SPON1: variants seen among roughly 807,000 people sequenced by gnomAD.
SPON1 encodes spondin-1.
SPON1 carries 52 observed loss-of-function variants against 111.7 expected under a neutral mutation model. The ratio of observed to expected loss-of-function variants is 0.47; its 90% CI spans 0.37 to 0.59. The LOEUF (loss-of-function observed/expected upper bound fraction) is 0.59, where lower values mean the gene tolerates loss of function less well. Ranked by LOEUF, SPON1 falls within the 20% of genes least tolerant of loss-of-function variation. SPON1 has a pLI of 0.00. For synonymous variants in SPON1, 410 were observed against 395.8 expected (o/e 1.04, Z -0.43); for missense variants, 957 against 1,068.5 (o/e 0.90, Z 1.46).
chr11:13,995,024 C>A (rs888772411), intron 2 of SPON1, among the ~76,000 whole-genome samples: 1 of 152,154 alleles, frequency 6.6e-6, no homozygotes, highest in East Asian at 1.9e-4. Flanking sequence ...TCATAGTACC[C>A]AGTTCTTTTT....
Position 14,129,026 on chromosome 11 carries a change from T to G in SPON1, c.677-6394T>G, listed in dbSNP as rs569664512. ...CCTTGGGCCTGGCCCAGAAAACCAT[T>G]TTCCCTCCTTGGTCTCCCAGCCTGT... On this transcript the variant is annotated intron_variant, in intron 5 of 15. Coordinates refer to ENST00000576479, the MANE Select transcript of SPON1 (RefSeq NM_006108.4). Among the ~76,000 whole-genome samples the G allele has an allele frequency of 5.3e-5, 8 of 152,346 alleles. No homozygotes were observed. The East Asian group carries it at 1.4e-3, about 26-fold the overall frequency.
intron 5 of SPON1, among the ~76,000 whole-genome samples, chr11:14,125,522 A>G (rs1409443836): frequency 6.6e-6 from 1 of 152,212 alleles, no homozygotes; most frequent in Non-Finnish European, 1.5e-5. Context: ...AGATTTGCTG[A>G]AAAGTACTAT....
rs782780924 is a variant in SPON1, at chr11:14,113,568, A to ATTTTTTTTTTTTTTT, written c.677-21814_677-21800dup. Among the ~76,000 whole-genome samples the ATTTTTTTTTTTTTTT allele has an allele frequency of 6.7e-5, 5 of 74,754 alleles. 1 individual carries two copies. Among genetic ancestry groups the ATTTTTTTTTTTTTTT allele is most frequent in the Admixed American group, 3.1e-4 (2 of 6,410 alleles). The allele number at this position is 74,754 out of a possible 152,430, so 49.0% of individuals were successfully genotyped here. ...AAGTCACCTCCTATGTACTTTTTAA[A>ATTTTTTTTTTTTTTT]TTTTTTTTTTTTTTTTTTTTTTTTT... On this transcript the variant is annotated intron_variant, in intron 5 of 15. Coordinates refer to ENST00000576479, the MANE Select transcript of SPON1 (RefSeq NM_006108.4).
intron 6 of SPON1, among the ~76,000 whole-genome samples, chr11:14,137,909 A>G (rs1847610645): frequency 6.6e-6 from 1 of 152,196 alleles, no homozygotes; most frequent in Admixed American, 6.5e-5. Context: ...GGGTGATTTC[A>G]GGATTCCAAA....
chr11:14,098,261 G>T (rs542774356), intron 5 of SPON1, among the ~76,000 whole-genome samples: 1 of 152,360 alleles, frequency 6.6e-6, no homozygotes, highest in South Asian at 2.1e-4. Context: ...CTCCCAAAGT[G>T]CTGGGATTAC....
intron 5 of SPON1, among the ~76,000 whole-genome samples, chr11:14,130,811 C>T (rs1847519579): frequency 6.6e-6 from 1 of 151,624 alleles, no homozygotes; most frequent in Admixed American, 6.6e-5. Context: ...ATCTTGCTCT[C>T]ACCTAATTAT....
intron 6 of SPON1, among the ~76,000 whole-genome samples, chr11:14,137,372 C>T (rs902285103): frequency 4.6e-5 from 7 of 152,156 alleles, no homozygotes; most frequent in Admixed American, 3.3e-4. Context: ...GTCTGCCTAT[C>T]CCAGCTGGCT....
At chr11:13,992,752 T>G (rs1219000814) in intron 2 of SPON1, among the ~76,000 whole-genome samples, 1 of 152,104 alleles carries the variant, frequency 6.6e-6, no homozygotes, top group African/African-American at 2.4e-5. Flanking sequence ...AAGTGCAGTA[T>G]CTGTGCCGGA....
chr11:14,127,066 A>G (rs924249815), intron 5 of SPON1, among the ~76,000 whole-genome samples: 5 of 152,050 alleles, frequency 3.3e-5, no homozygotes, highest in African/African-American at 1.2e-4. Context: ...ATGTGTCTGC[A>G]TTTTCCCTGC....
At chr11:13,969,578 G>A (rs1848047178) in intron 1 of SPON1, among the ~76,000 whole-genome samples, 1 of 152,136 alleles carries the variant, frequency 6.6e-6, no homozygotes. Context: ...AAACCCACTG[G>A]GGTATACATT....
At chr11:13,994,610 T>C (rs913254510) in intron 2 of SPON1, among the ~76,000 whole-genome samples, 3 of 152,116 alleles carry the variant, frequency 2.0e-5, no homozygotes, top group African/African-American at 7.2e-5. Context: ...TGAAAGCTAA[T>C]GGAGGAAGAG....
At chr11:14,175,643 TCAAA>T (rs1848166602) in intron 6 of SPON1, among the ~76,000 whole-genome samples, 1 of 152,148 alleles carries the variant, frequency 6.6e-6, no homozygotes, top group Admixed American at 6.5e-5. Flanking sequence ...ACTGTTTTAC[TCAAA>T]CAGAGAAAGA....
At chr11:14,017,657 C>G (rs1463363081) in intron 2 of SPON1, among the ~76,000 whole-genome samples, 2 of 152,194 alleles carry the variant, frequency 1.3e-5, no homozygotes, top group Non-Finnish European at 2.9e-5. Context: ...CCTAAAGTAG[C>G]AGGGCCATTT....
chr11:13,984,433 T>C (rs1848166665), intron 2 of SPON1, among the ~76,000 whole-genome samples: 1 of 152,106 alleles, frequency 6.6e-6, no homozygotes, highest in Non-Finnish European at 1.5e-5. Flanking sequence ...GGTACCTGCA[T>C]CTTATGAGGG....
In SPON1 at chr11:14,179,887, G is replaced by A. The variant is rs35953478; in HGVS notation, c.825+44319G>A. On this transcript the variant is annotated intron_variant, in intron 6 of 15. Transcript: ENST00000576479. ...GTCCTTTCCTCCTTCCCCTCCCCGC[G>A]TAAAAAGATGATGAAATGTATTTGT... is the stretch of plus-strand genomic sequence containing the variant. Among the ~76,000 whole-genome samples, 673 of 151,942 alleles carry A rather than the reference G, an allele frequency of 4.4e-3. 5 individuals carry two copies. The highest frequency in any genetic ancestry group is 7.2e-3 in the Non-Finnish European group (492 of 67,972).
At chr11:14,164,383 T>C (rs879957444) in intron 6 of SPON1, among the ~76,000 whole-genome samples, 55 of 152,184 alleles carry the variant, frequency 3.6e-4, no homozygotes, top group Non-Finnish European at 5.9e-4. Context: ...TCTCTTGAGA[T>C]AGCCATAGTT....
chr11:13,981,970 C>T (rs782693192), intron 1 of SPON1, among the ~76,000 whole-genome samples: 9 of 152,156 alleles, frequency 5.9e-5, no homozygotes, highest in Non-Finnish European at 8.8e-5. Context: ...TAGCAGTACT[C>T]CCTTATCCGA....
At chr11:14,170,481 T>G (rs1554932328) in intron 6 of SPON1, among the ~76,000 whole-genome samples, 1 of 152,070 alleles carries the variant, frequency 6.6e-6, no homozygotes, top group Admixed American at 6.6e-5. Flanking sequence ...ATTGAATGCC[T>G]TTTATTTCCT....
intron 5 of SPON1, among the ~76,000 whole-genome samples, chr11:14,116,109 C>T (rs538900814): frequency 4.5e-4 from 69 of 152,124 alleles, no homozygotes; most frequent in Non-Finnish European, 9.0e-4. Flanking sequence ...TTCTTATTGA[C>T]TTGTAGTAAT....
Sources: allele counts gnomAD v4.1 joint callset (sites outside exome capture counted in the v4.1 genomes callset), GRCh38; gene constraint gnomAD v4.1.1; transcripts MANE v1.5; gene names NCBI Gene and HGNC (gene_info 2026-07-23, HGNC 2026-07-21).